ANAPC1: variants seen among roughly 807,000 people sequenced by gnomAD.
ANAPC1 encodes anaphase-promoting complex subunit 1.
ANAPC1 carries 36 observed loss-of-function variants against 208.0 expected under a neutral mutation model. The observed-to-expected ratio is 0.17, with a 90% CI of 0.13 to 0.23. The LOEUF (loss-of-function observed/expected upper bound fraction) is 0.23, where lower values mean the gene tolerates loss of function less well. ANAPC1 is among the 10% of genes least tolerant of loss of function. The pLI is 1.00. For synonymous variants in ANAPC1, 378 were observed against 695.2 expected (o/e 0.54, Z 7.18); for missense variants, 942 against 2,011.6 (o/e 0.47, Z 10.17).
At chr2:111,870,997 A>G (rs1273402080) in intron 6 of ANAPC1, among the ~76,000 whole-genome samples, 1 of 152,166 alleles carries the variant, frequency 6.6e-6, no homozygotes, top group Non-Finnish European at 1.5e-5. Flanking sequence ...AAGATCAAAT[A>G]CTTGATTACA....
intron 10 of ANAPC1, 125 bp from the exon 11 acceptor site, chr2:111,858,526 C>T (rs1408710622): frequency 1.1e-5 from 6 of 552,094 alleles, no homozygotes; most frequent in African/African-American, 4.1e-5. Context: ...TTTGGGAGGC[C>T]GAGGCGGGCA....
intron 17 of ANAPC1, among the ~76,000 whole-genome samples, chr2:111,839,898 C>G (rs1318739134): frequency 6.6e-6 from 1 of 152,132 alleles, no homozygotes; most frequent in Non-Finnish European, 1.5e-5. Flanking sequence ...TTCAATGTGT[C>G]TCAGGTTAGC....
intron 44 of ANAPC1, chr2:111,779,979 A>G (rs1183080649): frequency 1.3e-5 from 3 of 233,404 alleles, no homozygotes; most frequent in Non-Finnish European, 2.5e-5. Flanking sequence ...ACATAAAAAT[A>G]AGAGAAAGGT....
At chr2:111,828,129 GATCT>G in intron 21 of ANAPC1, among the ~76,000 whole-genome samples, 1 of 152,172 alleles carries the variant, frequency 6.6e-6, no homozygotes, top group Non-Finnish European at 1.5e-5. Flanking sequence ...GATCTGCATA[GATCT>G]TTCTTCAAAG....
intron 27 of ANAPC1, among the ~76,000 whole-genome samples, chr2:111,817,899 G>C (rs975501766): frequency 8.4e-6 from 1 of 118,752 alleles, no homozygotes; most frequent in Non-Finnish European, 1.8e-5. Flanking sequence ...ATCAGCATTA[G>C]GGGGACATGC....
intron 1 of ANAPC1, among the ~76,000 whole-genome samples, chr2:111,883,042 C>T (rs1263561607): frequency 1.3e-5 from 2 of 151,926 alleles, no homozygotes; most frequent in Non-Finnish European, 2.9e-5. Context: ...TGGCGGGCGC[C>T]TGTAATCCCA....
intron 27 of ANAPC1, 58 bp from the exon 28 acceptor site, chr2:111,815,699 A>C (rs1679193118): frequency 6.0e-6 from 1 of 166,196 alleles, no homozygotes; most frequent in Admixed American, 8.2e-5. Context: ...CAAGATTGTT[A>C]AATTTAGATC....
chr2:111,847,532 A>C (rs576958372), intron 15 of ANAPC1, among the ~76,000 whole-genome samples, 193 bp downstream of exon 15: 3 of 152,242 alleles, frequency 2.0e-5, no homozygotes, highest in African/African-American at 7.2e-5. Context: ...CTAAGTTTTT[A>C]ATAATACAGA....
intron 37 of ANAPC1, among the ~76,000 whole-genome samples, chr2:111,793,505 C>T (rs1342781429): frequency 6.6e-6 from 1 of 152,004 alleles, no homozygotes; most frequent in African/African-American, 2.4e-5. Context: ...GGATTATAGG[C>T]ATGAGCCACT....
intron 38 of ANAPC1, among the ~76,000 whole-genome samples, chr2:111,791,509 A>C (rs1573332882): frequency 6.6e-6 from 1 of 152,116 alleles, no homozygotes; most frequent in East Asian, 1.9e-4. Context: ...AGAAGCAAGA[A>C]GCATATCCAT....
chr2:111,882,097 T>C (rs943643780), intron 1 of ANAPC1, among the ~76,000 whole-genome samples: 7 of 151,564 alleles, frequency 4.6e-5, no homozygotes, highest in Non-Finnish European at 8.8e-5. Flanking sequence ...GGCAGGAGAA[T>C]GGCGTGAACC....
intron 34 of ANAPC1, among the ~76,000 whole-genome samples, chr2:111,797,825 T>C (rs1678237760): frequency 8.9e-6 from 1 of 112,652 alleles, no homozygotes; most frequent in South Asian, 2.6e-4. Flanking sequence ...TTTCTAAAAA[T>C]CAGGTGGGCT....
intron 14 of ANAPC1, among the ~76,000 whole-genome samples, chr2:111,850,418 C>T (rs576574961): frequency 6.6e-6 from 1 of 152,318 alleles, no homozygotes; most frequent in African/African-American, 2.4e-5. Context: ...TGGATGTTAT[C>T]TTCCCATCGG....
At chr2:111,863,236 C>T (rs1309504401) in intron 9 of ANAPC1, among the ~76,000 whole-genome samples, 3 of 151,772 alleles carry the variant, frequency 2.0e-5, no homozygotes, top group East Asian at 3.9e-4. Flanking sequence ...GGGCTGAGCA[C>T]GGTGGCTCAC....
intron 17 of ANAPC1, among the ~76,000 whole-genome samples, 174 bp downstream of exon 17, chr2:111,843,238 A>G (rs1229163645): frequency 1.3e-5 from 2 of 152,206 alleles, no homozygotes; most frequent in Non-Finnish European, 2.9e-5. Context: ...TAAAATGTTA[A>G]TATTAAATAT....
intron 10 of ANAPC1, 33 bp from the exon 11 acceptor site, chr2:111,858,434 G>A: frequency 6.4e-7 from 1 of 1,558,624 alleles, no homozygotes; most frequent in Non-Finnish European, 8.8e-7. Context: ...GTAACTGTCA[G>A]CACTGGTCCA....
At chr2:111,841,159 T>C (rs1371730054) in intron 17 of ANAPC1, among the ~76,000 whole-genome samples, 1 of 151,998 alleles carries the variant, frequency 6.6e-6, no homozygotes. Flanking sequence ...AAACAGTATC[T>C]CACTCAGATG....
At chr2:111,839,720 C>G (rs1198717893) in intron 17 of ANAPC1, among the ~76,000 whole-genome samples, 1 of 152,166 alleles carries the variant, frequency 6.6e-6, no homozygotes, top group East Asian at 1.9e-4. Flanking sequence ...CAGTAACTAT[C>G]TAACCTAAAA....
intron 1 of ANAPC1, among the ~76,000 whole-genome samples, chr2:111,883,593 C>A (rs1455987070): frequency 6.6e-6 from 1 of 151,816 alleles, no homozygotes; most frequent in Non-Finnish European, 1.5e-5. Context: ...TCCACAAGAG[C>A]TTCCCCAGCC....
Sources: allele counts gnomAD v4.1 joint callset (sites outside exome capture counted in the v4.1 genomes callset), GRCh38; gene constraint gnomAD v4.1.1; transcripts MANE v1.5; gene names NCBI Gene and HGNC (gene_info 2026-07-23, HGNC 2026-07-21).